MYO1E: variants seen among roughly 807,000 people sequenced by gnomAD.
MYO1E encodes the protein unconventional myosin-Ie.
A neutral mutation model predicts 151.1 loss-of-function variants in MYO1E; 68 were observed. That is an observed-to-expected ratio of 0.45 (90% CI 0.37 to 0.55). The LOEUF (loss-of-function observed/expected upper bound fraction) is 0.55, where lower values mean the gene tolerates loss of function less well. Ranked by LOEUF, MYO1E falls within the 20% of genes least tolerant of loss-of-function variation. MYO1E has a pLI of 0.00. For synonymous variants in MYO1E, 601 were observed against 501.7 expected (o/e 1.20, Z -2.64); for missense variants, 1,363 against 1,389.3 (o/e 0.98, Z 0.30).
chr15:59,284,526 T>C (rs921945924), intron 1 of MYO1E, among the ~76,000 whole-genome samples: 11 of 151,962 alleles, frequency 7.2e-5, no homozygotes, highest in African/African-American at 2.7e-4. Flanking sequence ...CATAGCTCAC[T>C]GAGGCCTCAA....
At chr15:59,204,887 A>ATTGG (rs2079823109) in intron 15 of MYO1E, among the ~76,000 whole-genome samples, 1 of 152,230 alleles carries the variant, frequency 6.6e-6, no homozygotes, top group African/African-American at 2.4e-5. Flanking sequence ...TTAAATAGTC[A>ATTGG]GAAATGGCCA....
intron 8 of MYO1E, among the ~76,000 whole-genome samples, 200 bp from the exon 9 acceptor site, chr15:59,223,391 A>G (rs1441196034): frequency 2.6e-5 from 4 of 151,970 alleles, no homozygotes; most frequent in Admixed American, 1.3e-4. Flanking sequence ...TGACAGCAGG[A>G]CGTTCTTGTA....
chr15:59,206,548 G>A (rs1566978361), intron 14 of MYO1E, among the ~76,000 whole-genome samples: 1 of 152,230 alleles, frequency 6.6e-6, no homozygotes, highest in African/African-American at 2.4e-5. Context: ...CTTCCTGGCA[G>A]GGTCACGGTT....
chr15:59,331,482 G>T (rs1322571570), intron 1 of MYO1E, among the ~76,000 whole-genome samples: 1 of 151,728 alleles, frequency 6.6e-6, no homozygotes, highest in Non-Finnish European at 1.5e-5. Context: ...GATGAGATGG[G>T]AGAGGTAGAA....
At chr15:59,147,313 G>A (rs538352094) in intron 26 of MYO1E, among the ~76,000 whole-genome samples, 12 of 152,230 alleles carry the variant, frequency 7.9e-5, no homozygotes, top group Admixed American at 4.6e-4. Context: ...GAAAGAGACC[G>A]TGGAGGCCAG....
At chr15:59,270,560 G>T (rs1424508556) in intron 2 of MYO1E, among the ~76,000 whole-genome samples, 1 of 134,750 alleles carries the variant, frequency 7.4e-6, no homozygotes. Flanking sequence ...AAAAAAAAAA[G>T]AAAAGAAAAA....
chr15:59,151,812 C>T (rs2079481422), intron 26 of MYO1E, among the ~76,000 whole-genome samples: 1 of 151,824 alleles, frequency 6.6e-6, no homozygotes, highest in African/African-American at 2.4e-5. Flanking sequence ...CTTTGGGAGG[C>T]CAAGGCGGGT....
In MYO1E at chr15:59,171,909, G is replaced by C. The variant is rs183513448; in HGVS notation, c.2468C>G (p.Ser823Cys). 6.2e-7 allele frequency: 1 copy of C among 1,614,200 alleles called. No homozygotes were observed. The change falls in exon 22 of 28, where the codon TCT (serine) becomes TGT (cysteine). Residue 823 changes from serine to cysteine, a missense_variant. Transcript: ENST00000288235. ...CTCCACTACTCACCTGAGGGACACAGACAAGATCCGTTCTATCTCGATTTT... is the reference window on the plus strand; with the variant it reads ...CTCCACTACTCACCTGAGGGACACACACAAGATCCGTTCTATCTCGATTTT... ...KRKIEIERIL[S>C]VSLSTMQDDI... is the part of the protein sequence containing the mutation.
chr15:59,323,448 C>T (rs2080641096), intron 1 of MYO1E, among the ~76,000 whole-genome samples: 1 of 151,660 alleles, frequency 6.6e-6, no homozygotes, highest in Non-Finnish European at 1.5e-5. Flanking sequence ...GTCAGGAGAT[C>T]GAGACCATCC....
intron 5 of MYO1E, 33 bp from the exon 6 acceptor site, chr15:59,231,824 G>C (rs761131946): frequency 6.2e-7 from 1 of 1,604,826 alleles, no homozygotes; most frequent in Non-Finnish European, 8.5e-7. Flanking sequence ...GGTTAGGAAG[G>C]TGTGAACACC....
chr15:59,372,506 CTCGCGCCGCGG>C lies in MYO1E; in HGVS notation c.-17_-7del. 1 of 1,537,082 alleles carries C rather than the reference CTCGCGCCGCGG, an allele frequency of 6.5e-7. No individual in the cohort carries two copies. The highest frequency in any genetic ancestry group is 8.8e-7 in the Non-Finnish European group (1 of 1,142,394). On this transcript the variant is annotated 5_prime_UTR_variant, in exon 1 of 28. Coordinates refer to ENST00000288235, the MANE Select transcript of MYO1E (RefSeq NM_004998.4). ...CGGCGCGGCCAACTCACCATGGTGACTCGCGCCGCGGTCGCGTCTTCGCCGGGTCCCGCTGC... is the reference window on the plus strand; with the variant it reads ...CGGCGCGGCCAACTCACCATGGTGACTCGCGTCTTCGCCGGGTCCCGCTGC...
intron 5 of MYO1E, among the ~76,000 whole-genome samples, chr15:59,233,007 T>C (rs749389174): frequency 1.1e-4 from 16 of 152,172 alleles, no homozygotes; most frequent in Non-Finnish European, 2.1e-4. Context: ...CTTAGAAACA[T>C]ACTCCCAACC....
At chr15:59,183,598 G>A (rs2079678029) in intron 18 of MYO1E, among the ~76,000 whole-genome samples, 1 of 152,044 alleles carries the variant, frequency 6.6e-6, no homozygotes, top group African/African-American at 2.4e-5. Context: ...GAGATGTTTT[G>A]ATACAGGCAT....
intron 7 of MYO1E, among the ~76,000 whole-genome samples, chr15:59,226,566 G>A (rs1184750144): frequency 1.3e-5 from 2 of 152,196 alleles, no homozygotes; most frequent in Non-Finnish European, 1.5e-5. Flanking sequence ...TAGCACTTTG[G>A]GAGGCTGAGG....
intron 14 of MYO1E, chr15:59,208,163 C>A: frequency 7.7e-7 from 1 of 1,297,832 alleles, no homozygotes; most frequent in South Asian, 1.6e-5. Context: ...TTTGAATAAA[C>A]TTGAATTCCT....
intron 22 of MYO1E, among the ~76,000 whole-genome samples, chr15:59,170,601 A>AT (rs1327965745): frequency 6.6e-6 from 1 of 152,142 alleles, no homozygotes; most frequent in East Asian, 1.9e-4. Context: ...AAAAAAACAA[A>AT]AAAAACAATA....
intron 14 of MYO1E, chr15:59,206,604 T>C (rs1372428058): frequency 3.6e-6 from 1 of 275,340 alleles, no homozygotes; most frequent in African/African-American, 2.2e-5. Context: ...AGAAGCATGT[T>C]TCCTCAGCAT....
At position 59,236,504 on chromosome 15, in the gene MYO1E, A is replaced by G. The variant is rs2080067234; in HGVS notation, c.420+81T>C. The G allele has an allele frequency of 3.2e-6, 4 of 1,266,682 alleles. No individual in the cohort carries two copies. In the Admixed American group the frequency reaches 6.9e-5, roughly 22 times the overall value. The allele number at this position is 1,266,682 out of a possible 1,614,324, so 78.5% of individuals were successfully genotyped here. On this transcript the variant is annotated intron_variant, in intron 5 of 27. Coordinates refer to ENST00000288235, the MANE Select transcript of MYO1E (RefSeq NM_004998.4). The stretch of plus-strand genomic sequence containing the variant: ...AGAACCAGTGTCTTTTCTGTGGAAG[A>G]AAAATTCTTTTCTAACAGCAAATGG...
At chr15:59,275,055 T>C (rs779719084) in intron 1 of MYO1E, among the ~76,000 whole-genome samples, 2 of 152,154 alleles carry the variant, frequency 1.3e-5, no homozygotes, top group Non-Finnish European at 2.9e-5. Flanking sequence ...AACATTCCCA[T>C]GCCATATAGG....
Sources: gnomAD v4.1 joint callset for allele counts (sites outside exome capture counted in the v4.1 genomes callset) on GRCh38, gnomAD v4.1.1 for gene constraint, MANE v1.5 for transcripts, NCBI Gene and HGNC (gene_info 2026-07-23, HGNC 2026-07-21) for gene names.